CHRNA9: variants seen among roughly 807,000 people sequenced by gnomAD.
CHRNA9 encodes cholinergic receptor nicotinic alpha 9 subunit, also known as neuronal acetylcholine receptor subunit alpha-9.
In CHRNA9, 24 loss-of-function variants were observed where a neutral mutation model predicts 36.8. The ratio of observed to expected loss-of-function variants is 0.65; its 90% CI spans 0.47 to 0.92. The LOEUF (loss-of-function observed/expected upper bound fraction) is 0.92, where lower values mean the gene tolerates loss of function less well. Among genes scored for constraint, CHRNA9 ranks in the 40% least tolerant of loss-of-function variants. The pLI is 0.00. For synonymous variants in CHRNA9, 231 were observed against 231.8 expected (o/e 1.00, Z 0.03); for missense variants, 610 against 601.2 (o/e 1.01, Z -0.15).
chr4:40,346,684 G>T (rs114265740), intron 3 of CHRNA9, among the ~76,000 whole-genome samples: 1,716 of 152,272 alleles, frequency 0.011, 24 homozygotes, highest in African/African-American at 0.039. Flanking sequence ...TGGGTATGGA[G>T]TGAACTCAGT....
chr4:40,350,693 TACAC>T lies in CHRNA9; in HGVS notation c.898+1310_898+1313del, dbSNP rs59972613. Among the ~76,000 whole-genome samples, 1,015 of 143,958 alleles carry T rather than the reference TACAC, an allele frequency of 7.1e-3. 16 individuals carry two copies. Among genetic ancestry groups the T allele is most frequent in the African/African-American group, 0.025 (951 of 38,754 alleles). 94.4% of individuals were successfully genotyped at this position (143,958 alleles called of 152,430 possible). A position where few individuals can be genotyped will look rare whatever the true frequency, so the allele number is the denominator to read the frequency against. ...CCTTTTTATGTCTCTCTTTGCAAAA[TACAC>T]ACACACACACACACACACACACACA... On this transcript the variant is annotated intron_variant, in intron 4 of 4. Transcript: ENST00000310169.
At chr4:40,337,725 G>A (rs1371091825) in intron 3 of CHRNA9, among the ~76,000 whole-genome samples, 3 of 152,268 alleles carry the variant, frequency 2.0e-5, no homozygotes, top group Admixed American at 1.3e-4. Context: ...GGTTGACAGC[G>A]TGGTTTCCTC....
intron 3 of CHRNA9, among the ~76,000 whole-genome samples, chr4:40,344,842 C>T (rs1712592259): frequency 6.6e-6 from 1 of 152,124 alleles, no homozygotes; most frequent in Non-Finnish European, 1.5e-5. Context: ...AATGCAAGTC[C>T]CTTATAACAC....
chr4:40,344,668 G>T (rs1712588234), intron 3 of CHRNA9, among the ~76,000 whole-genome samples: 1 of 152,110 alleles, frequency 6.6e-6, no homozygotes, highest in South Asian at 2.1e-4. Flanking sequence ...ACAGGTGAGT[G>T]ACAGAGATAT....
chr4:40,353,899 A>G, intron 4 of CHRNA9, 80 bp from the exon 5 acceptor site: 4 of 1,239,570 alleles, frequency 3.2e-6, no homozygotes, highest in Non-Finnish European at 3.4e-6. Flanking sequence ...CTCAGAATGT[A>G]TCCCTGTTGT....
chr4:40,350,258 A>C (rs927477360), intron 4 of CHRNA9, among the ~76,000 whole-genome samples: 2 of 152,154 alleles, frequency 1.3e-5, no homozygotes, highest in Non-Finnish European at 1.5e-5. Flanking sequence ...GAGATTTGGG[A>C]ATCTGAGGTG....
intron 4 of CHRNA9, among the ~76,000 whole-genome samples, chr4:40,350,893 G>C (rs2109688946): frequency 6.6e-6 from 1 of 152,232 alleles, no homozygotes; most frequent in African/African-American, 2.4e-5. Context: ...CTCTTCTTGG[G>C]TAGTGACATT....
In CHRNA9 at chr4:40,336,070, A is replaced by G. The variant is rs984395938; in HGVS notation, c.210+98A>G. The G allele has an allele frequency of 7.7e-6, 8 of 1,036,262 alleles. No individual in the cohort carries two copies. The African/African-American group carries it at 9.5e-5, about 12-fold the overall frequency. The allele number at this position is 1,036,262 out of a possible 1,614,324, so 64.2% of individuals were successfully genotyped here. The stretch of plus-strand genomic sequence containing the variant: ...GTCTTAACTGGGAATTTGAGAGGGA[A>G]TGATAGCTCCTTAAGCAAGCTGGTG... On this transcript the variant is annotated intron_variant, in intron 2 of 4. Transcript: ENST00000310169.
chr4:40,337,399 T>C, intron 3 of CHRNA9, 35 bp downstream of exon 3: 1 of 1,581,712 alleles, frequency 6.3e-7, no homozygotes. Context: ...TTTTCAGGCA[T>C]GAACGTGTTG....
intron 4 of CHRNA9, among the ~76,000 whole-genome samples, chr4:40,350,722 A>ACACACACACC (rs1215274776): frequency 0.024 from 3,636 of 151,386 alleles, 144 homozygotes; most frequent in African/African-American, 0.084. Context: ...ACACACACAC[A>ACACACACACC]CACACCTCTC....
chr4:40,336,244 GT>G (rs1231131264), intron 2 of CHRNA9, among the ~76,000 whole-genome samples: 3 of 152,206 alleles, frequency 2.0e-5, no homozygotes, highest in Admixed American at 6.5e-5. Context: ...TATATAAAAT[GT>G]CCAAAAGAGG....
intron 3 of CHRNA9, among the ~76,000 whole-genome samples, chr4:40,344,004 G>A (rs1712568669): frequency 6.6e-6 from 1 of 152,198 alleles, no homozygotes; most frequent in Admixed American, 6.5e-5. Context: ...AAACACAGGG[G>A]TCCTTGTAAG....
chr4:40,348,775 G>T, intron 3 of CHRNA9, 107 bp from the exon 4 acceptor site: 1 of 1,062,184 alleles, frequency 9.4e-7, no homozygotes, highest in Non-Finnish European at 1.4e-6. Context: ...CAAAATGGTG[G>T]TCCATTGCCA....
chr4:40,355,061 A>G lies in CHRNA9; in HGVS notation c.*541A>G, dbSNP rs1560319934. On this transcript the variant is annotated 3_prime_UTR_variant, in exon 5 of 5. Coordinates refer to ENST00000310169, the MANE Select transcript of CHRNA9 (RefSeq NM_017581.4). ...TCTAAGCATCAGCTGTTTAATGGGG[A>G]AAAGAACTTTCTTCATAATGGTGAT... 1 of 152,704 alleles carries G rather than the reference A, an allele frequency of 6.5e-6. No individual in the cohort carries two copies. Among genetic ancestry groups the G allele is most frequent in the Non-Finnish European group, 1.5e-5 (1 of 68,414 alleles). 9.5% of individuals were successfully genotyped at this position (152,704 alleles called of 1,614,324 possible).
intron 3 of CHRNA9, among the ~76,000 whole-genome samples, chr4:40,348,440 AC>A (rs1712697585): frequency 6.6e-6 from 1 of 152,250 alleles, no homozygotes; most frequent in African/African-American, 2.4e-5. Flanking sequence ...ATAAACATGT[AC>A]AACTTTTATA....
At chr4:40,335,649 G>C in intron 1 of CHRNA9, 118 bp downstream of exon 1, 6 of 1,004,958 alleles carry the variant, frequency 6.0e-6, no homozygotes, top group Non-Finnish European at 9.4e-6. Context: ...AGTGTTCTGT[G>C]CTTCCTACTG....
intron 3 of CHRNA9, among the ~76,000 whole-genome samples, 154 bp downstream of exon 3, chr4:40,337,518 G>T (rs573286592): frequency 3.5e-4 from 54 of 152,174 alleles, no homozygotes; most frequent in Non-Finnish European, 7.1e-4. Context: ...TAGAATCTTA[G>T]ATCAGGAAAT....
chr4:40,352,408 A>G (rs1401727007), intron 4 of CHRNA9, among the ~76,000 whole-genome samples: 1 of 152,120 alleles, frequency 6.6e-6, no homozygotes, highest in African/African-American at 2.4e-5. Context: ...TATTTTTAGT[A>G]GAGACGGGGT....
chr4:40,337,332 C>T lies in CHRNA9; in HGVS notation c.333C>T (p.Leu111=), dbSNP rs148584579. The T allele has an allele frequency of 1.9e-4, 302 of 1,614,154 alleles. No individual in the cohort carries two copies. The highest frequency in any genetic ancestry group is 2.2e-4 in the Non-Finnish European group (260 of 1,180,012). The change falls in exon 3 of 5, where the codon CTC becomes CTT. Residue 111 remains leucine (L), a synonymous_variant. Transcript: ENST00000310169. Reference sequence around the variant, plus strand: ...ACTCCATCAGGATCCCCAGTGACCTCGTGTGGAGGCCAGACATCGTCTTAT... The same window carrying T: ...ACTCCATCAGGATCCCCAGTGACCTTGTGTGGAGGCCAGACATCGTCTTAT... ...GLDSIRIPSD[L]VWRPDIVLYN...
Sources: gnomAD v4.1 joint callset for allele counts (sites outside exome capture counted in the v4.1 genomes callset) on GRCh38, gnomAD v4.1.1 for gene constraint, MANE v1.5 for transcripts, NCBI Gene and HGNC (gene_info 2026-07-23, HGNC 2026-07-21) for gene names.